SLC41A3: variants seen among roughly 807,000 people sequenced by gnomAD.
SLC41A3 encodes SLC41A1-like 2.
SLC41A3 carries 44 observed loss-of-function variants against 45.4 expected under a neutral mutation model. The observed-to-expected ratio is 0.97, with a 90% CI of 0.76 to 1.25. SLC41A3 has a LOEUF of 1.25. Ranked by LOEUF, SLC41A3 falls within the 50% of genes most tolerant of loss-of-function variation. The probability of loss-of-function intolerance (pLI) is 0.00; values close to 1 mark genes in which losing one functional copy is unlikely to be tolerated. For missense variants in SLC41A3, 550 were observed against 600.6 expected (o/e 0.92, Z 0.88); for synonymous variants, 256 against 252.4 (o/e 1.01, Z -0.13).
chr3:126,050,801 C>G, intron 3 of SLC41A3, 142 bp downstream of exon 3: 1 of 1,361,508 alleles, frequency 7.3e-7, no homozygotes, highest in Non-Finnish European at 9.6e-7. Context: ...GGACAAGGGA[C>G]AGCATGATGA....
intron 1 of SLC41A3, among the ~76,000 whole-genome samples, chr3:126,083,129 C>T (rs1049731906): frequency 2.6e-5 from 4 of 152,202 alleles, no homozygotes; most frequent in Non-Finnish European, 4.4e-5. Context: ...CATCCTCAAC[C>T]CCAGTTCAGA....
chr3:126,029,752 G>A (rs1364049721), intron 4 of SLC41A3, among the ~76,000 whole-genome samples: 1 of 152,130 alleles, frequency 6.6e-6, no homozygotes, highest in Non-Finnish European at 1.5e-5. Flanking sequence ...TTTGAGAAAG[G>A]TCAAAGAGGG....
Position 126,008,741 on chromosome 3 carries a change from G to C in SLC41A3, c.1245C>G (p.Gly415=). 6.2e-7 allele frequency: 1 copy of C among 1,613,936 alleles called. No homozygotes were observed. Among genetic ancestry groups the C allele is most frequent in the Non-Finnish European group, 8.5e-7 (1 of 1,179,882 alleles). The change falls in exon 10 of 11, where the codon GGC becomes GGG. Residue 415 remains glycine, a synonymous_variant. Coordinates refer to ENST00000360370, the MANE Select transcript of SLC41A3 (RefSeq NM_017836.4). Reference sequence around the variant, plus strand: ...CTGCAGCCAGGCTTACCTGGATCAGGCCTGCCAGCAGGTAGAGCACCACAA... The same window carrying C: ...CTGCAGCCAGGCTTACCTGGATCAGCCCTGCCAGCAGGTAGAGCACCACAA... ...QTFVVLYLLA[G]LIQVTILLYL...
intron 3 of SLC41A3, among the ~76,000 whole-genome samples, chr3:126,039,810 T>C (rs116140549): frequency 8.9e-4 from 135 of 152,332 alleles, no homozygotes; most frequent in African/African-American, 3.2e-3. Context: ...ACTCTAATAA[T>C]GTATTAAGGG....
At chr3:126,040,639 G>C (rs1390575217) in intron 3 of SLC41A3, among the ~76,000 whole-genome samples, 1 of 152,054 alleles carries the variant, frequency 6.6e-6, no homozygotes, top group Non-Finnish European at 1.5e-5. Flanking sequence ...GATGCAGCGA[G>C]AGTGTTGGGG....
chr3:126,019,378 A>G (rs563792047), intron 6 of SLC41A3, among the ~76,000 whole-genome samples: 3 of 152,190 alleles, frequency 2.0e-5, no homozygotes, highest in East Asian at 1.9e-4. Flanking sequence ...GGATCAACAC[A>G]TGAAATTTAG....
In SLC41A3 at chr3:126,059,300, A is replaced by AAGAG. The variant is rs1491193754; in HGVS notation, c.274-8251_274-8250insCTCT. ...AAAGAAAGAAAGAAAGAAAGAAAGA[A>AAGAG]AGAAAGAAAGGAAGGATGATCTGTG... On this transcript the variant is annotated intron_variant, in intron 2 of 10. Transcript: ENST00000360370. Among the ~76,000 whole-genome samples the AAGAG allele has an allele frequency of 6.8e-5, 7 of 102,706 alleles. 1 individual carries two copies. The highest frequency in any genetic ancestry group is 3.3e-4 in the South Asian group (1 of 2,986). 67.4% of individuals were successfully genotyped at this position (102,706 alleles called of 152,430 possible). A position where few individuals can be genotyped will look rare whatever the true frequency, so the allele number is the denominator to read the frequency against.
At position 126,008,895 on chromosome 3, in the gene SLC41A3, A is replaced by C. The variant is rs1033360263; in HGVS notation, c.1106-15T>G. 1.2e-6 allele frequency: 2 copies of C among 1,613,202 alleles called. No individual in the cohort carries two copies. Among genetic ancestry groups the C allele is most frequent in the Non-Finnish European group, 1.7e-6 (2 of 1,179,242 alleles). ...GGAATTGATTTCTGAAAGAAACAGAACCAAGAAGGTCATGTGACCTGAAGC... is the reference window on the plus strand; with the variant it reads ...GGAATTGATTTCTGAAAGAAACAGACCCAAGAAGGTCATGTGACCTGAAGC... On this transcript the variant is annotated splice_polypyrimidine_tract_variant and intron_variant, in intron 9 of 10. Coordinates refer to ENST00000360370, the MANE Select transcript of SLC41A3 (RefSeq NM_017836.4).
At chr3:126,022,355 A>G (rs1940960178) in intron 6 of SLC41A3, among the ~76,000 whole-genome samples, 1 of 152,258 alleles carries the variant, frequency 6.6e-6, no homozygotes, top group South Asian at 2.1e-4. Flanking sequence ...GGAATACCAG[A>G]AATTGGATAA....
At chr3:126,021,616 T>G (rs1258704727) in intron 6 of SLC41A3, among the ~76,000 whole-genome samples, 1 of 152,174 alleles carries the variant, frequency 6.6e-6, no homozygotes, top group East Asian at 1.9e-4. Flanking sequence ...TCCCTTCTCC[T>G]GCTCATTATT....
rs899987043 is a variant in SLC41A3 at position 126,057,460 on chromosome 3, T to A, written c.274-6410A>T. On this transcript the variant is annotated intron_variant, in intron 2 of 10. Coordinates refer to ENST00000360370, the MANE Select transcript of SLC41A3 (RefSeq NM_017836.4). The stretch of plus-strand genomic sequence containing the variant: ...TCCACAGGCACCAGGAACAGAATGT[T>A]CAGGCCTGAGGGCAGGCTGGGGCAG... Among the ~76,000 whole-genome samples the A allele has an allele frequency of 2.6e-5, 4 of 152,208 alleles. No individual in the cohort carries two copies. The East Asian group carries it at 7.7e-4, about 29-fold the overall frequency.
At chr3:126,045,543 C>T (rs570101554) in intron 3 of SLC41A3, among the ~76,000 whole-genome samples, 1 of 152,144 alleles carries the variant, frequency 6.6e-6, no homozygotes. Flanking sequence ...ATATATTCCT[C>T]GAGAAACAAT....
intron 6 of SLC41A3, among the ~76,000 whole-genome samples, chr3:126,020,381 C>T (rs2107691750): frequency 6.6e-6 from 1 of 152,304 alleles, no homozygotes; most frequent in South Asian, 2.1e-4. Flanking sequence ...CTCCCAGCTC[C>T]CTTTCAGCCA....
At chr3:126,036,182 G>A (rs1219968363) in intron 3 of SLC41A3, among the ~76,000 whole-genome samples, 3 of 152,318 alleles carry the variant, frequency 2.0e-5, no homozygotes, top group Non-Finnish European at 4.4e-5. Flanking sequence ...TATTGTCTAC[G>A]TAAAACAGCC....
chr3:126,037,887 T>C (rs1275795014), intron 3 of SLC41A3, among the ~76,000 whole-genome samples: 2 of 151,984 alleles, frequency 1.3e-5, no homozygotes, highest in South Asian at 2.1e-4. Flanking sequence ...TCCAGTGGCT[T>C]AGGAGGAAAG....
At chr3:126,079,254 G>C (rs1945033746) in intron 1 of SLC41A3, among the ~76,000 whole-genome samples, 1 of 134,540 alleles carries the variant, frequency 7.4e-6, no homozygotes, top group African/African-American at 2.8e-5. Flanking sequence ...ACACGATCAG[G>C]GATTTAAATT....
At chr3:126,020,958 T>C (rs62264844) in intron 6 of SLC41A3, among the ~76,000 whole-genome samples, 1 of 151,820 alleles carries the variant, frequency 6.6e-6, no homozygotes, top group Non-Finnish European at 1.5e-5. Flanking sequence ...ACAGTGGCGC[T>C]ATCCCGGCTC....
chr3:126,047,113 AG>A (rs1482868298), intron 3 of SLC41A3, among the ~76,000 whole-genome samples: 1 of 152,210 alleles, frequency 6.6e-6, no homozygotes, highest in African/African-American at 2.4e-5. Context: ...CTGTAATCCC[AG>A]CACTTTGGGA....
intron 2 of SLC41A3, among the ~76,000 whole-genome samples, chr3:126,065,235 G>A (rs1176206358): frequency 6.6e-6 from 1 of 152,226 alleles, no homozygotes; most frequent in Non-Finnish European, 1.5e-5. Flanking sequence ...CCTGAGCAGA[G>A]ATCCCAGCCA....
Sources: gnomAD v4.1 joint callset for allele counts (sites outside exome capture counted in the v4.1 genomes callset) on GRCh38, gnomAD v4.1.1 for gene constraint, MANE v1.5 for transcripts, NCBI Gene and HGNC (gene_info 2026-07-23, HGNC 2026-07-21) for gene names.